Variants in COL4A5 observed in about 807,000 individuals in gnomAD.
The protein encoded by COL4A5 is collagen alpha-5(IV) chain.
Under a neutral mutation model 130.2 loss-of-function variants are expected in COL4A5, and 26 were observed. That is an observed-to-expected ratio of 0.20 (90% confidence interval 0.15 to 0.28). COL4A5 has a LOEUF of 0.28. Ranked by LOEUF, COL4A5 falls within the 10% of genes least tolerant of loss-of-function variation. The probability of loss-of-function intolerance (pLI) is 1.00; values close to 1 mark genes in which losing one functional copy is unlikely to be tolerated. For synonymous variants in COL4A5, 496 were observed against 439.6 expected, an observed-to-expected ratio of 1.13 and a Z score of -1.60; for missense variants, 1,131 against 1,344.3, an observed-to-expected ratio of 0.84 and a Z score of 2.48.
At chrX:108,658,598 A>T (rs900239748) in intron 37 of COL4A5, among the ~76,000 whole-genome samples, 1 of 111,464 alleles carries the variant, frequency 9.0e-6, no homozygotes, top group Non-Finnish European at 1.9e-5. Context: ...CAGTTATATT[A>T]CTATTCAGAT....
Position 108,598,886 on chromosome X carries a change from T to C in COL4A5, c.1948+16T>C, listed in dbSNP as rs766855468. 1 of 1,208,994 alleles carries C rather than the reference T, an allele frequency of 8.3e-7. No homozygotes were observed. Among genetic ancestry groups the C allele is most frequent in the South Asian group, 1.8e-5 (1 of 56,869 alleles). ...GGAATACCAGGTAAGTTTACTGTGT[T>C]TTGTTTTAAACTTGGTGCTTAAAAA... On this transcript the variant is annotated intron_variant, in intron 25 of 52. Transcript: ENST00000328300.
At chrX:108,452,627 G>T (rs1165698373) in intron 1 of COL4A5, among the ~76,000 whole-genome samples, 1 of 111,694 alleles carries the variant, frequency 9.0e-6, no homozygotes, top group African/African-American at 3.3e-5. Flanking sequence ...CTCTCTGTTT[G>T]TCTGTTATTG....
chrX:108,518,729 GTCA>G lies in COL4A5; in HGVS notation c.82-21012_82-21010del, dbSNP rs772842931. Among the ~76,000 whole-genome samples, 3 of 111,599 alleles carry G rather than the reference GTCA, an allele frequency of 2.7e-5. No individual in the cohort carries two copies. The East Asian group carries it at 8.4e-4, about 31-fold the overall frequency. The stretch of plus-strand genomic sequence containing the variant: ...CAGTATCGATGAATTACATGTTGTA[GTCA>G]TCATATTTTAATGAGTCTTCTCTAA... On this transcript the variant is annotated intron_variant, in intron 1 of 52. Coordinates refer to ENST00000328300, the MANE Select transcript of COL4A5 (RefSeq NM_033380.3).
chrX:108,467,471 T>G (rs1187474377), intron 1 of COL4A5, among the ~76,000 whole-genome samples: 1 of 111,842 alleles, frequency 8.9e-6, no homozygotes, highest in Non-Finnish European at 1.9e-5. Context: ...CAGATTGTTT[T>G]GGTTCTTAGG....
intron 36 of COL4A5, among the ~76,000 whole-genome samples, chrX:108,635,292 G>GA (rs773416446): frequency 3.7e-5 from 4 of 108,810 alleles, no homozygotes; most frequent in South Asian, 3.9e-4. Flanking sequence ...TCATAAAAAA[G>GA]AAAAAAAAGG....
At chrX:108,476,543 T>A (rs59653454) in intron 1 of COL4A5, among the ~76,000 whole-genome samples, 12 of 73,106 alleles carry the variant, frequency 1.6e-4, no homozygotes, top group East Asian at 3.6e-4. Flanking sequence ...TTTTTTTTTT[T>A]ACCTATTAAC....
At chrX:108,510,034 C>A (rs993258986) in intron 1 of COL4A5, among the ~76,000 whole-genome samples, 4 of 112,069 alleles carry the variant, frequency 3.6e-5, no homozygotes, top group African/African-American at 9.7e-5. Context: ...AGGTTATTAT[C>A]CTTAGCAAAC....
chrX:108,477,857 A>G (rs1240563493), intron 1 of COL4A5, among the ~76,000 whole-genome samples: 1 of 109,500 alleles, frequency 9.1e-6, no homozygotes, highest in African/African-American at 3.3e-5. Flanking sequence ...AATACTCATG[A>G]CAATTAGTCC....
intron 47 of COL4A5, among the ~76,000 whole-genome samples, chrX:108,682,256 G>A (rs1168987302): frequency 8.9e-6 from 1 of 111,905 alleles, no homozygotes; most frequent in Non-Finnish European, 1.9e-5. Context: ...AGTATTCCAT[G>A]GTGTATATGT....
At chrX:108,518,890 A>G (rs1395807609) in intron 1 of COL4A5, among the ~76,000 whole-genome samples, 1 of 111,462 alleles carries the variant, frequency 9.0e-6, no homozygotes, top group African/African-American at 3.3e-5. Flanking sequence ...AAAACGTTTC[A>G]TCTTCATAGG....
At chrX:108,518,324 C>G (rs1285570048) in intron 1 of COL4A5, among the ~76,000 whole-genome samples, 1 of 111,487 alleles carries the variant, frequency 9.0e-6, no homozygotes, top group African/African-American at 3.2e-5. Context: ...GTAGGCATAG[C>G]TTCCCCATCC....
At chrX:108,542,199 G>A (rs940514404) in intron 2 of COL4A5, among the ~76,000 whole-genome samples, 14 of 111,258 alleles carry the variant, frequency 1.3e-4, no homozygotes. Flanking sequence ...ATGTTGGTGT[G>A]CTGCACCCAT....
intron 36 of COL4A5, among the ~76,000 whole-genome samples, chrX:108,651,225 G>A (rs1416080160): frequency 9.0e-6 from 1 of 111,332 alleles, no homozygotes; most frequent in Non-Finnish European, 1.9e-5. Context: ...CTTTTAGGGG[G>A]AAATGGAAAA....
chrX:108,620,030 T>C (rs962908248), intron 30 of COL4A5, among the ~76,000 whole-genome samples: 2 of 112,384 alleles, frequency 1.8e-5, no homozygotes, highest in Non-Finnish European at 3.8e-5. Flanking sequence ...TAAGAAAAGA[T>C]TGGCCTTTTG....
At chrX:108,454,626 T>C (rs1176062435) in intron 1 of COL4A5, among the ~76,000 whole-genome samples, 1 of 111,209 alleles carries the variant, frequency 9.0e-6, no homozygotes, top group Admixed American at 9.6e-5. Flanking sequence ...AATGGAAATG[T>C]CTCATTAGTA....
At chrX:108,649,704 C>T (rs940221321) in intron 36 of COL4A5, among the ~76,000 whole-genome samples, 2 of 111,525 alleles carry the variant, frequency 1.8e-5, no homozygotes, top group Non-Finnish European at 3.8e-5. Flanking sequence ...TGGCTAGTCA[C>T]ATGTAGGAGA....
chrX:108,576,032 A>G, intron 10 of COL4A5, 60 bp downstream of exon 10: 1 of 675,941 alleles, frequency 1.5e-6, no homozygotes, highest in Non-Finnish European at 2.3e-6. Flanking sequence ...TTTCAGGAAT[A>G]TTAATATTAT....
intron 1 of COL4A5, among the ~76,000 whole-genome samples, chrX:108,461,692 C>G (rs998339772): frequency 2.7e-5 from 3 of 110,925 alleles, no homozygotes; most frequent in African/African-American, 9.8e-5. Context: ...CTCCCGGGTT[C>G]AAGCCGTTCT....
chrX:108,645,150 C>T (rs1373424942), intron 36 of COL4A5, among the ~76,000 whole-genome samples: 1 of 110,280 alleles, frequency 9.1e-6, no homozygotes, highest in Non-Finnish European at 1.9e-5. Flanking sequence ...ATTCCAAGGT[C>T]ACACCTCAAG....
Sources: gnomAD v4.1 joint callset for allele counts (sites outside exome capture counted in the v4.1 genomes callset) on GRCh38, gnomAD v4.1.1 for gene constraint, MANE v1.5 for transcripts, NCBI Gene and HGNC (gene_info 2026-07-23, HGNC 2026-07-21) for gene names.